Variants in BRDT observed in about 807,000 individuals in gnomAD.
The protein encoded by BRDT is bromodomain testis associated.
A neutral mutation model predicts 113.9 loss-of-function variants in BRDT; 77 were observed. The ratio of observed to expected loss-of-function variants is 0.68; its 90% CI spans 0.56 to 0.82. The LOEUF (loss-of-function observed/expected upper bound fraction) is 0.82. Ranked by LOEUF, BRDT falls within the 40% of genes least tolerant of loss-of-function variation. The pLI is 0.00. For missense variants in BRDT, 1,027 were observed against 1,105.4 expected, an observed-to-expected ratio of 0.93 and a Z score of 1.01; for synonymous variants, 358 against 366.5, an observed-to-expected ratio of 0.98 and a Z score of 0.26.
chr1:92,008,621 G>A (rs993702498), intron 18 of BRDT, among the ~76,000 whole-genome samples: 8 of 152,022 alleles, frequency 5.3e-5, no homozygotes, highest in Non-Finnish European at 7.4e-5. Context: ...AGTTCCTTAC[G>A]GAATAGTTTT....
chr1:91,966,530 C>T (rs1683078772), intron 3 of BRDT, among the ~76,000 whole-genome samples: 1 of 152,176 alleles, frequency 6.6e-6, no homozygotes, highest in Non-Finnish European at 1.5e-5. Context: ...CTGCATCCAG[C>T]TCCAATGTGA....
At chr1:92,001,318 C>G (rs775068478) in intron 15 of BRDT, among the ~76,000 whole-genome samples, 3 of 152,214 alleles carry the variant, frequency 2.0e-5, no homozygotes, top group Non-Finnish European at 4.4e-5. Flanking sequence ...TTAGTGATAA[C>G]TGGGTTTTAT....
chr1:92,002,742 A>G (rs1490144743), intron 16 of BRDT, among the ~76,000 whole-genome samples: 1 of 152,152 alleles, frequency 6.6e-6, no homozygotes, highest in Non-Finnish European at 1.5e-5. Context: ...CATGTCATAA[A>G]ACCATCTTTT....
intron 12 of BRDT, among the ~76,000 whole-genome samples, chr1:91,983,841 C>T (rs2101692447): frequency 1.3e-5 from 2 of 151,936 alleles, no homozygotes; most frequent in Non-Finnish European, 2.9e-5. Context: ...GCCACCACAC[C>T]CAGCTCATTT....
At chr1:91,987,180 A>T (rs1685328774) in intron 12 of BRDT, among the ~76,000 whole-genome samples, 1 of 152,006 alleles carries the variant, frequency 6.6e-6, no homozygotes, top group South Asian at 2.1e-4. Context: ...TCGGCCTCCC[A>T]AAGTGCTGGG....
chr1:92,012,222 G>A (rs1687858085), intron 18 of BRDT, among the ~76,000 whole-genome samples: 1 of 151,636 alleles, frequency 6.6e-6, no homozygotes, highest in African/African-American at 2.4e-5. Flanking sequence ...CATTTGAATC[G>A]GGAGGCAGAG....
intron 5 of BRDT, 131 bp from the exon 6 acceptor site, chr1:91,976,912 C>A: frequency 1.4e-6 from 1 of 695,398 alleles, no homozygotes; most frequent in Non-Finnish European, 2.3e-6. Flanking sequence ...GGATTGACAA[C>A]AATATGTGTA....
At position 91,964,669 on chromosome 1, in the gene BRDT, A is replaced by G; in HGVS notation, c.235A>G (p.Ile79Val). 1.3e-6 allele frequency: 2 copies of G among 1,498,802 alleles called. No individual in the cohort carries two copies. The highest frequency in any genetic ancestry group is 1.8e-6 in the Non-Finnish European group (2 of 1,090,838). The allele number at this position is 1,498,802 out of a possible 1,614,324, so 92.8% of individuals were successfully genotyped here. A position where few individuals can be genotyped will look rare whatever the true frequency, so the allele number is the denominator to read the frequency against. The change falls in exon 3 of 19, where the codon ATT (isoleucine) becomes GTT (valine). Residue 79 changes from isoleucine to valine, a missense_variant. Coordinates refer to ENST00000399546, the MANE Select transcript of BRDT (RefSeq NM_207189.4). ...IIKNPMDLNT[I>V]KKRLENKYYA... The stretch of plus-strand genomic sequence containing the variant: ...AAAAAACCCAATGGATTTAAATACA[A>G]TTAAGAAGCGCTTGGAGAATAAATA...
At chr1:91,983,010 T>C (rs1302664161) in intron 12 of BRDT, among the ~76,000 whole-genome samples, 11 of 152,192 alleles carry the variant, frequency 7.2e-5, no homozygotes, top group Admixed American at 6.5e-4. Flanking sequence ...ATAAAAGTCT[T>C]ACTGTTCCTG....
intron 1 of BRDT, among the ~76,000 whole-genome samples, chr1:91,961,908 A>G (rs1226110053): frequency 2.0e-5 from 3 of 152,084 alleles, no homozygotes; most frequent in Non-Finnish European, 4.4e-5. Flanking sequence ...TTGTAATCCC[A>G]GCACTTTGGG....
chr1:91,952,121 A>G (rs1033672017), intron 1 of BRDT: 1 of 152,240 alleles, frequency 6.6e-6, no homozygotes, highest in Non-Finnish European at 1.5e-5. Flanking sequence ...TATTCAATAA[A>G]TGAACAAATA....
Position 91,981,669 on chromosome 1 carries a change from A to AGAGCAGCAG in BRDT, c.1917_1925dup (p.Ser641_Ser642insArgSerSer). The AGAGCAGCAG allele has an allele frequency of 6.2e-7, 1 of 1,614,190 alleles. No homozygotes were observed. The highest frequency in any genetic ancestry group is 1.3e-5 in the African/African-American group (1 of 75,044). ...GTTGAAAATGTTTCCCGACTGAGTG[A>AGAGCAGCAG]GAGCAGCAGCAGCAGCAGCAGCTCA... is the stretch of plus-strand genomic sequence containing the variant. On this transcript the variant is annotated inframe_insertion, in exon 12 of 19. Transcript: ENST00000399546.
chr1:91,981,549 G>A, intron 11 of BRDT, 69 bp from the exon 12 acceptor site: 1 of 1,588,810 alleles, frequency 6.3e-7, no homozygotes, highest in Non-Finnish European at 8.6e-7. Context: ...CAGCCTAGGT[G>A]GCAGTTTTTA....
chr1:91,968,514 G>GCTA (rs1683298171), intron 4 of BRDT, among the ~76,000 whole-genome samples: 1 of 152,152 alleles, frequency 6.6e-6, no homozygotes, highest in Non-Finnish European at 1.5e-5. Context: ...TCACATAGTA[G>GCTA]GGATTCAGAA....
intron 14 of BRDT, among the ~76,000 whole-genome samples, chr1:91,992,666 G>A (rs1232342018): frequency 2.0e-5 from 3 of 152,110 alleles, no homozygotes; most frequent in African/African-American, 7.2e-5. Flanking sequence ...CTCCGGAGTA[G>A]CTGAGACCAC....
intron 1 of BRDT, among the ~76,000 whole-genome samples, chr1:91,951,633 G>C (rs1244439953): frequency 6.6e-6 from 1 of 151,698 alleles, no homozygotes; most frequent in African/African-American, 2.4e-5. Context: ...AATTAGCCGG[G>C]CGTGGTGGCA....
At position 91,966,842 on chromosome 1, in the gene BRDT, G is replaced by A. The variant is rs1051242008; in HGVS notation, c.331-1304G>A. 2.0e-5 allele frequency among the ~76,000 whole-genome samples: 3 copies of A among 152,162 alleles called. No homozygotes were observed. The East Asian group carries it at 5.8e-4, about 29-fold the overall frequency. On this transcript the variant is annotated intron_variant, in intron 3 of 18. Transcript: ENST00000399546. The stretch of plus-strand genomic sequence containing the variant: ...TCCCAGCACTTTGGGAGGCCAAGGC[G>A]GGTGGATCACAAGGTCAGGAGTTCG...
At chr1:91,987,331 T>TTTGTA (rs1685340926) in intron 12 of BRDT, among the ~76,000 whole-genome samples, 1 of 152,078 alleles carries the variant, frequency 6.6e-6, no homozygotes, top group South Asian at 2.1e-4. Flanking sequence ...ATTCTGTTTT[T>TTTGTA]TTGTTTTGTT....
chr1:91,966,909 A>G (rs1176941574), intron 3 of BRDT, among the ~76,000 whole-genome samples: 1 of 152,094 alleles, frequency 6.6e-6, no homozygotes, highest in African/African-American at 2.4e-5. Flanking sequence ...TCTCTACTAA[A>G]ACTACAGAAA....
Sources: gnomAD v4.1 joint callset for allele counts (sites outside exome capture counted in the v4.1 genomes callset) on GRCh38, gnomAD v4.1.1 for gene constraint, MANE v1.5 for transcripts, NCBI Gene and HGNC (gene_info 2026-07-23, HGNC 2026-07-21) for gene names.